Variants in SAXO1 observed in about 807,000 individuals in gnomAD.
The protein encoded by SAXO1 is 4930500O09Rik.
SAXO1 carries 21 observed loss-of-function variants against 17.5 expected under a neutral mutation model. That is an observed-to-expected ratio of 1.20 (90% CI 0.85 to 1.72). The LOEUF (loss-of-function observed/expected upper bound fraction) is 1.72. Among genes scored for constraint, SAXO1 ranks in the 40% most tolerant of loss-of-function variants. The pLI, the probability that SAXO1 is intolerant of heterozygous loss-of-function variation, is 0.00. For synonymous variants in SAXO1, 274 were observed against 216.5 expected (o/e 1.27, Z -2.33); for missense variants, 843 against 596.0 (o/e 1.41, Z -4.32).
At chr9:18,989,947 A>G (rs1833748410) in intron 1 of SAXO1, among the ~76,000 whole-genome samples, 1 of 152,220 alleles carries the variant, frequency 6.6e-6, no homozygotes, top group African/African-American at 2.4e-5. Context: ...TTGAATATGC[A>G]CCACATACAA....
chr9:18,942,324 C>T (rs1831599142), intron 2 of SAXO1, among the ~76,000 whole-genome samples: 1 of 152,154 alleles, frequency 6.6e-6, no homozygotes, highest in Admixed American at 6.5e-5. Context: ...CTGGACCTGG[C>T]TCCTGCCTGA....
At chr9:18,933,679 C>G (rs76215163) in intron 3 of SAXO1, among the ~76,000 whole-genome samples, 1 of 152,192 alleles carries the variant, frequency 6.6e-6, no homozygotes, top group East Asian at 1.9e-4. Context: ...AGACTTTTTT[C>G]TTTCAAAACT....
At chr9:19,037,195 A>G (rs1835963482), upstream of SAXO1, among the ~76,000 whole-genome samples, 1 of 152,146 alleles carries the variant, frequency 6.6e-6, no homozygotes, top group Non-Finnish European at 1.5e-5. Flanking sequence ...TTTTGATTTT[A>G]CAGGTTCATA....
intron 1 of SAXO1, among the ~76,000 whole-genome samples, chr9:19,006,412 C>T (rs886236845): frequency 1.3e-5 from 2 of 152,160 alleles, no homozygotes; most frequent in African/African-American, 4.8e-5. Context: ...TGGTGGTAAA[C>T]ACATACAACA....
Position 18,941,649 on chromosome 9 carries a change from G to A in SAXO1, c.409C>T (p.Pro137Ser), listed in dbSNP as rs923900168. ...TGTGCTCTCCCACCTTTATAAGTAG[G>A]CAAACACTCCATCTTGTCGCTACAT... ...YPCSDKMECL[P>S]TYKADYLPWN... Residue 137 changes from proline to serine, a missense_variant, in exon 3 of 4, where the codon CCT becomes TCT. Pro to Ser is a moderately conservative substitution (Grantham distance 74). Coordinates refer to ENST00000380534, the MANE Select transcript of SAXO1 (RefSeq NM_153707.4). The A allele has an allele frequency of 1.2e-6, 2 of 1,614,112 alleles. No individual in the cohort carries two copies. Among genetic ancestry groups the A allele is most frequent in the East Asian group, 2.2e-5 (1 of 44,868 alleles).
At chr9:19,032,812 T>G in intron 1 of SAXO1, 59 bp downstream of exon 1, 1 of 1,584,484 alleles carries the variant, frequency 6.3e-7, no homozygotes. Context: ...AGGCTTCCCT[T>G]CCTCGGGAGT....
rs142676951 is a variant in SAXO1 at position 19,026,966 on chromosome 9, C to T, written c.38+5905G>A. ...TGCTCAACATGTCCACGGAGGAGATCATCCAGCGCACATGGCTTCTGGACA... is the reference window on the plus strand; with the variant it reads ...TGCTCAACATGTCCACGGAGGAGATTATCCAGCGCACATGGCTTCTGGACA... On this transcript the variant is annotated intron_variant, in intron 1 of 3. Transcript: ENST00000380534. The T allele has an allele frequency of 1.8e-4, 160 of 903,020 alleles. 1 individual carries two copies. The highest frequency in any genetic ancestry group is 7.0e-4 in the South Asian group (54 of 77,042). 55.9% of individuals were successfully genotyped at this position (903,020 alleles called of 1,614,324 possible).
chr9:19,046,129 CA>C (rs1242656553), intron 1 of SAXO1, among the ~76,000 whole-genome samples: 1 of 116,094 alleles, frequency 8.6e-6, no homozygotes, highest in Non-Finnish European at 1.9e-5. Flanking sequence ...AACATACAAA[CA>C]AAAGAAACTT....
intron 1 of SAXO1, among the ~76,000 whole-genome samples, chr9:18,980,795 A>AAAG (rs1833354655): frequency 6.6e-6 from 1 of 150,956 alleles, no homozygotes; most frequent in Non-Finnish European, 1.5e-5. Context: ...AAAAAAAAAA[A>AAAG]AAAAGCCTGG....
chr9:18,999,683 C>CCCGGCCGCCACA (rs1834170506), intron 1 of SAXO1, among the ~76,000 whole-genome samples: 1 of 150,182 alleles, frequency 6.7e-6, no homozygotes, highest in Non-Finnish European at 1.5e-5. Context: ...AGCGCCTCTG[C>CCCGGCCGCCACA]CCGGCCGCCA....
chr9:18,971,983 CAAG>C (rs972199487), intron 1 of SAXO1, among the ~76,000 whole-genome samples: 126 of 152,190 alleles, frequency 8.3e-4, no homozygotes, highest in African/African-American at 2.6e-3. Flanking sequence ...CTTGACAAAA[CAAG>C]AAGATTTCTA....
intron 2 of SAXO1, among the ~76,000 whole-genome samples, chr9:18,946,148 C>G (rs1246770468): frequency 6.6e-6 from 1 of 151,848 alleles, no homozygotes; most frequent in African/African-American, 2.4e-5. Flanking sequence ...TGGTGGGACA[C>G]ACCTGTAATC....
intron 1 of SAXO1, among the ~76,000 whole-genome samples, chr9:19,039,526 G>A (rs1473752724): frequency 1.3e-5 from 2 of 152,100 alleles, no homozygotes; most frequent in African/African-American, 2.4e-5. Flanking sequence ...CAGTGTTCAG[G>A]TTACCTTGAG....
chr9:19,036,306 T>C (rs1186487735), upstream of SAXO1, among the ~76,000 whole-genome samples: 1 of 151,872 alleles, frequency 6.6e-6, no homozygotes, highest in Non-Finnish European at 1.5e-5. Flanking sequence ...AAAACCTGTT[T>C]TCTGAGGAGA....
upstream of SAXO1, among the ~76,000 whole-genome samples, chr9:19,037,830 G>A (rs1835979342): frequency 6.6e-6 from 1 of 152,140 alleles, no homozygotes; most frequent in African/African-American, 2.4e-5. Context: ...TCTCTCATCT[G>A]TCTCTTACAA....
At chr9:19,042,648 A>C (rs1405874595) in intron 1 of SAXO1, among the ~76,000 whole-genome samples, 2 of 152,084 alleles carry the variant, frequency 1.3e-5, no homozygotes, top group Non-Finnish European at 2.9e-5. Flanking sequence ...GGATCACCAG[A>C]GGTTGGGAAT....
intron 1 of SAXO1, among the ~76,000 whole-genome samples, chr9:18,997,310 C>A (rs1428890943): frequency 6.6e-6 from 1 of 152,250 alleles, no homozygotes; most frequent in Non-Finnish European, 1.5e-5. Context: ...CCTGGCTAGA[C>A]AGGTCACATG....
chr9:18,928,250 G>A lies in SAXO1; in HGVS notation c.1227C>T (p.Thr409=). 1 of 1,613,478 alleles carries A rather than the reference G, an allele frequency of 6.2e-7. No individual in the cohort carries two copies. The highest frequency in any genetic ancestry group is 8.5e-7 in the Non-Finnish European group (1 of 1,179,476). ...NVPVESQTTY[T]ISFTPKEMGR... ...CCATTTCCTTGGGAGTAAAGCTGAT[G>A]GTGTAGGTGGTCTGGCTTTCCACAG... The change falls in exon 4 of 4, where the codon ACC becomes ACT. Residue 409 remains threonine, a synonymous_variant. Coordinates refer to ENST00000380534, the MANE Select transcript of SAXO1 (RefSeq NM_153707.4).
intron 1 of SAXO1, among the ~76,000 whole-genome samples, chr9:18,965,916 G>C (rs574100824): frequency 6.6e-6 from 1 of 152,166 alleles, no homozygotes; most frequent in Non-Finnish European, 1.5e-5. Context: ...GCTTCCTTCA[G>C]GAGCTGTTGT....
Sources: gnomAD v4.1 joint callset for allele counts (sites outside exome capture counted in the v4.1 genomes callset) on GRCh38, gnomAD v4.1.1 for gene constraint, MANE v1.5 for transcripts, NCBI Gene and HGNC (gene_info 2026-07-23, HGNC 2026-07-21) for gene names.